Variants in LRP5 observed in about 807,000 individuals in gnomAD.
The protein encoded by LRP5 is LDL receptor related protein 5.
LRP5 carries 62 observed loss-of-function variants against 154.1 expected under a neutral mutation model. The observed-to-expected ratio is 0.40, with a 90% CI of 0.33 to 0.50. The LOEUF (loss-of-function observed/expected upper bound fraction) is 0.50, where lower values mean the gene tolerates loss of function less well. LRP5 is among the 20% of genes least tolerant of loss of function. The pLI is 0.55. For missense variants in LRP5, 1,915 were observed against 2,336.7 expected, an observed-to-expected ratio of 0.82 and a Z score of 3.72; for synonymous variants, 966 against 1,011.5, an observed-to-expected ratio of 0.96 and a Z score of 0.85.
At position 68,448,901 on chromosome 11, in the gene LRP5, G is replaced by A; in HGVS notation, c.4679G>A (p.Ser1560Asn). 1 of 1,613,672 alleles carries A rather than the reference G, an allele frequency of 6.2e-7. No homozygotes were observed. Among genetic ancestry groups the A allele is most frequent in the Non-Finnish European group, 8.5e-7 (1 of 1,180,018 alleles). ...TACAGCGCCAGCCGCTGGAAGGCCA[G>A]CAAGTACTACCTGGATTTGAACTCG... The part of the protein sequence containing the change: ...SDYSASRWKA[S>N]KYYLDLNSDS... Residue 1560 changes from serine to asparagine, a missense_variant, in exon 23 of 23, where the codon AGC (serine) becomes AAC (asparagine). By Grantham distance (46) the Ser-to-Asn change is conservative. Around this residue, in one of 3 missense-constraint regions of LRP5, gnomAD observed 1,094 missense variants for 1,210.1 expected, o/e 0.90. Transcript: ENST00000294304.
Position 68,353,495 on chromosome 11 carries a change from C to G in LRP5, c.489-4155C>G, listed in dbSNP as rs2098620495. On this transcript the variant is annotated intron_variant, in intron 2 of 22. Coordinates refer to ENST00000294304, the MANE Select transcript of LRP5 (RefSeq NM_002335.4). This position sits in a 1 kb window ranked among gnomAD's most constrained non-coding sequence, Gnocchi z 4.5. ...GTCACAGCGCCCGCGGCAGCAACCCCTGCTCGCCAAATACTGACTTGAATA... is the reference window on the plus strand; with the variant it reads ...GTCACAGCGCCCGCGGCAGCAACCCGTGCTCGCCAAATACTGACTTGAATA... Among the ~76,000 whole-genome samples, 1 of 152,206 alleles carries G rather than the reference C, an allele frequency of 6.6e-6. No individual in the cohort carries two copies. The highest frequency in any genetic ancestry group is 1.5e-5 in the Non-Finnish European group (1 of 68,034).
chr11:68,353,809 A>G lies in LRP5; in HGVS notation c.489-3841A>G, dbSNP rs77179209. 0.025 allele frequency among the ~76,000 whole-genome samples: 3,848 copies of G among 152,282 alleles called. 131 individuals are homozygous for G. Among genetic ancestry groups the G allele is most frequent in the African/African-American group, 0.078 (3,254 of 41,548 alleles). On this transcript the variant is annotated intron_variant, in intron 2 of 22. Transcript: ENST00000294304. This position sits in a 1 kb window ranked among gnomAD's most constrained non-coding sequence, Gnocchi z 4.5. The stretch of plus-strand genomic sequence containing the variant: ...GTCCACCTCAGTGTGCACGTGGCCA[A>G]AAGGATCAAGAGCCCTGCAGCCAGG...
rs61887825 is a variant in LRP5, at chr11:68,354,405, C to T, written c.489-3245C>T. Among the ~76,000 whole-genome samples, 375 of 152,330 alleles carry T rather than the reference C, an allele frequency of 2.5e-3. 1 individual carries two copies. Among genetic ancestry groups the T allele is most frequent in the Middle Eastern group, 6.8e-3 (2 of 294 alleles). On this transcript the variant is annotated intron_variant, in intron 2 of 22. Coordinates refer to ENST00000294304, the MANE Select transcript of LRP5 (RefSeq NM_002335.4). ...CCATGCGGAGGCTCCTGCTCCTGCA[C>T]GTTTTCCAGCCTTTTCCATGGGCCA... is the stretch of plus-strand genomic sequence containing the variant.
At chr11:68,398,329 C>A (rs1440367156) in intron 7 of LRP5, among the ~76,000 whole-genome samples, 2 of 152,214 alleles carry the variant, frequency 1.3e-5, no homozygotes, top group Non-Finnish European at 2.9e-5. Flanking sequence ...TCCCGTCATT[C>A]CCTCCCAGCT....
At chr11:68,426,510 G>A (rs780054952) in intron 16 of LRP5, among the ~76,000 whole-genome samples, 30 of 145,798 alleles carry the variant, frequency 2.1e-4, no homozygotes, top group Non-Finnish European at 3.0e-4. Flanking sequence ...CTGCAGCCTC[G>A]ACCTCTGGGC....
intron 5 of LRP5, among the ~76,000 whole-genome samples, chr11:68,370,481 C>A (rs549235465): frequency 7.9e-4 from 121 of 152,258 alleles, no homozygotes; most frequent in African/African-American, 2.7e-3. Context: ...TGGCCCCAGC[C>A]CTGGGCTCTG....
chr11:68,312,328 C>T (rs2098588537), upstream of LRP5, among the ~76,000 whole-genome samples: 1 of 151,962 alleles, frequency 6.6e-6, no homozygotes. Flanking sequence ...ACAGGTGACA[C>T]ACCTGGCTCC....
At chr11:68,429,493 C>G (rs607887) in intron 16 of LRP5, 82 bp from the exon 17 acceptor site, 2 of 1,583,284 alleles carry the variant, frequency 1.3e-6, no homozygotes, top group Non-Finnish European at 8.7e-7. Flanking sequence ...CATGAGTTCT[C>G]ATTTGGCCCC....
chr11:68,344,858 T>C, intron 1 of LRP5, among the ~76,000 whole-genome samples: 1 of 112,300 alleles, frequency 8.9e-6, no homozygotes, highest in African/African-American at 4.6e-5. Context: ...TCTTTTTTTT[T>C]TTTTTTTTTT....
intron 22 of LRP5, 136 bp downstream of exon 22, chr11:68,446,669 C>T: frequency 2.5e-6 from 2 of 785,952 alleles, no homozygotes; most frequent in Non-Finnish European, 2.2e-6. Context: ...GCCCTGCCTC[C>T]CTCTGCTCTG....
chr11:68,388,850 G>T (rs925578592), intron 6 of LRP5, among the ~76,000 whole-genome samples: 20 of 152,184 alleles, frequency 1.3e-4, no homozygotes, highest in Non-Finnish European at 2.9e-4. Context: ...TGTCCCAGGG[G>T]AGCCCCCAGG....
intron 22 of LRP5, among the ~76,000 whole-genome samples, 156 bp from the exon 23 acceptor site, chr11:68,448,653 G>C (rs910557229): frequency 2.0e-5 from 3 of 152,114 alleles, no homozygotes; most frequent in African/African-American, 7.2e-5. Flanking sequence ...TAAGTGATGA[G>C]CCCTGGCGAC....
intron 17 of LRP5, among the ~76,000 whole-genome samples, chr11:68,432,939 G>A (rs1023912508): frequency 2.6e-5 from 4 of 152,334 alleles, no homozygotes; most frequent in East Asian, 1.9e-4. Flanking sequence ...TCCACCCTCC[G>A]ATGATCCTCT....
At chr11:68,305,180 G>A in the LRP5 span, among the ~76,000 whole-genome samples, 2 of 152,046 alleles carry the variant, frequency 1.3e-5, no homozygotes, top group South Asian at 4.1e-4. Context: ...CAGACCCCTC[G>A]TGGCTTGGTG....
intron 8 of LRP5, among the ~76,000 whole-genome samples, chr11:68,404,819 A>C (rs1310671740): frequency 2.0e-5 from 3 of 151,646 alleles, no homozygotes; most frequent in African/African-American, 4.8e-5. Context: ...AAATACAAAA[A>C]ATTAGCCGGG....
chr11:68,407,036 A>G (rs1259897840), intron 9 of LRP5, among the ~76,000 whole-genome samples: 1 of 152,104 alleles, frequency 6.6e-6, no homozygotes, highest in Non-Finnish European at 1.5e-5. Context: ...GCTTGTGTGA[A>G]TGTGAAATAT....
At chr11:68,327,162 C>T (rs1311881574) in intron 1 of LRP5, among the ~76,000 whole-genome samples, 1 of 152,256 alleles carries the variant, frequency 6.6e-6, no homozygotes, top group African/African-American at 2.4e-5. Flanking sequence ...ACTGGCCTCC[C>T]AGGCTCCCCC....
chr11:68,419,660 C>T (rs764310686), intron 13 of LRP5, among the ~76,000 whole-genome samples: 1 of 151,680 alleles, frequency 6.6e-6, no homozygotes, highest in African/African-American at 2.4e-5. Flanking sequence ...CTGCCTCAGC[C>T]TCCTCCCGAG....
At position 68,348,258 on chromosome 11, in the gene LRP5, G is replaced by A. The variant is rs370558169; in HGVS notation, c.488+15G>A. ...CCCGCTCACGGGTAAACCCTGCTGCGACTCCACCTGGGTCCAGGGGGCGGG... is the reference window on the plus strand; with the variant it reads ...CCCGCTCACGGGTAAACCCTGCTGCAACTCCACCTGGGTCCAGGGGGCGGG... On this transcript the variant is annotated intron_variant, in intron 2 of 22. Coordinates refer to ENST00000294304, the MANE Select transcript of LRP5 (RefSeq NM_002335.4). The A allele has an allele frequency of 9.9e-5, 158 of 1,602,366 alleles. No individual in the cohort carries two copies. Among genetic ancestry groups the A allele is most frequent in the African/African-American group, 6.4e-4 (48 of 75,058 alleles).
Sources: gnomAD v4.1 joint callset for allele counts (sites outside exome capture counted in the v4.1 genomes callset) on GRCh38, gnomAD v4.1.1 for gene constraint, gnomAD v4.1.1 regional missense constraint, Gnocchi (gnomAD v3.1) non-coding constraint, MANE v1.5 for transcripts, NCBI Gene and HGNC (gene_info 2026-07-23, HGNC 2026-07-21) for gene names.